The following ARHGAP32 variants were observed in gnomAD, a reference collection of about 807,000 sequenced individuals.
ARHGAP32 encodes Rho GTPase activating protein 32, also known as rho GTPase-activating protein 32.
Under a neutral mutation model 186.5 loss-of-function variants are expected in ARHGAP32, and 51 were observed. The ratio of observed to expected loss-of-function variants is 0.27; its 90% CI spans 0.22 to 0.35. ARHGAP32 has a LOEUF of 0.35. Among genes scored for constraint, ARHGAP32 ranks in the 10% least tolerant of loss-of-function variants. The pLI, the probability that ARHGAP32 is intolerant of heterozygous loss-of-function variation, is 1.00. For synonymous variants in ARHGAP32, 950 were observed against 964.3 expected (o/e 0.99, Z 0.27); for missense variants, 2,186 against 2,623.5 (o/e 0.83, Z 3.64).
chr11:129,148,960 C>A (rs1943229713), intron 2 of ARHGAP32, among the ~76,000 whole-genome samples: 1 of 152,204 alleles, frequency 6.6e-6, no homozygotes, highest in African/African-American at 2.4e-5. Context: ...CAAGGAAAGT[C>A]TAAGCTTGGA....
At position 128,973,265 on chromosome 11, in the gene ARHGAP32, C is replaced by A. The variant is rs1399665046; in HGVS notation, c.3241G>T (p.Ala1081Ser). 6.2e-7 allele frequency: 1 copy of A among 1,613,988 alleles called. No individual in the cohort carries two copies. The highest frequency in any genetic ancestry group is 8.5e-7 in the Non-Finnish European group (1 of 1,180,036). ...ATGTCTCCATAATTTGTATACCCAG[C>A]CTGAGAGGTCCCTGGTCTCTTCAAT... ...QSLKRPGTSQ[A>S]GYTNYGDIAV... The change falls in exon 22 of 23, where the codon GCT becomes TCT. Residue 1081 changes from alanine to serine, a missense_variant. By Grantham distance (99) the Ala-to-Ser change is moderately conservative. This residue lies in a region of ARHGAP32 where 1,502 missense variants were observed against 1,570.0 expected (regional missense o/e 0.96). Transcript: ENST00000682385.
At chr11:129,056,858 G>A (rs1436363893) in intron 10 of ARHGAP32, among the ~76,000 whole-genome samples, 1 of 152,128 alleles carries the variant, frequency 6.6e-6, no homozygotes, top group Non-Finnish European at 1.5e-5. Flanking sequence ...CTCCATCATG[G>A]GAAGCAGTAG....
intron 1 of ARHGAP32, among the ~76,000 whole-genome samples, chr11:129,166,000 A>C (rs1425365027): frequency 1.3e-5 from 2 of 152,166 alleles, no homozygotes; most frequent in African/African-American, 4.8e-5. Context: ...ATTGAATGAA[A>C]GTAAAAAATA....
intron 1 of ARHGAP32, among the ~76,000 whole-genome samples, chr11:129,259,120 T>C (rs182763255): frequency 6.6e-6 from 1 of 152,328 alleles, no homozygotes; most frequent in East Asian, 1.9e-4. Context: ...ACATGCACTA[T>C]GTAATGGCAA....
intron 11 of ARHGAP32, among the ~76,000 whole-genome samples, chr11:129,004,053 ATGT>A (rs143844381): frequency 1.4e-4 from 22 of 151,822 alleles, no homozygotes; most frequent in African/African-American, 5.3e-4. Flanking sequence ...AGGTTTTGGT[ATGT>A]TGTTTCTGTA....
intron 5 of ARHGAP32, among the ~76,000 whole-genome samples, chr11:129,105,322 C>G (rs1942018788): frequency 6.6e-6 from 1 of 152,048 alleles, no homozygotes; most frequent in Non-Finnish European, 1.5e-5. Context: ...TCACAAAAAG[C>G]TAAGAAGTCC....
intron 11 of ARHGAP32, among the ~76,000 whole-genome samples, chr11:129,011,510 G>A (rs774751228): frequency 1.3e-5 from 2 of 152,170 alleles, no homozygotes; most frequent in Non-Finnish European, 2.9e-5. Context: ...TATCTGAGCT[G>A]GAAGCCATGA....
At chr11:129,238,815 T>C (rs550539966) in intron 1 of ARHGAP32, among the ~76,000 whole-genome samples, 2 of 151,352 alleles carry the variant, frequency 1.3e-5, no homozygotes, top group African/African-American at 4.9e-5. Flanking sequence ...CTTCTGATGA[T>C]GCAATAAAGT....
intron 11 of ARHGAP32, among the ~76,000 whole-genome samples, chr11:129,011,154 A>G (rs1938058313): frequency 6.6e-6 from 1 of 152,210 alleles, no homozygotes; most frequent in African/African-American, 2.4e-5. Context: ...CATTTACTTT[A>G]CACTTAGTAT....
At chr11:128,994,028 C>G (rs1300017612) in intron 12 of ARHGAP32, among the ~76,000 whole-genome samples, 1 of 152,162 alleles carries the variant, frequency 6.6e-6, no homozygotes, top group African/African-American at 2.4e-5. Context: ...ATAATAGCCT[C>G]TGTCCTCCCC....
rs114473054 is a variant in ARHGAP32, at chr11:129,100,702, C to T, written c.445-6995G>A. ...TATACTAACACTGCACAGAGAACAG[C>T]GAATCCTCTCCCACCCTGAGTGACC... On this transcript the variant is annotated intron_variant, in intron 5 of 22. Coordinates refer to ENST00000682385, the MANE Select transcript of ARHGAP32 (RefSeq NM_001378024.1). Among the ~76,000 whole-genome samples, 927 of 152,226 alleles carry T rather than the reference C, an allele frequency of 6.1e-3. 8 individuals are homozygous for T. Among genetic ancestry groups the T allele is most frequent in the African/African-American group, 0.021 (872 of 41,540 alleles).
intron 11 of ARHGAP32, among the ~76,000 whole-genome samples, chr11:129,006,990 C>T (rs551732752): frequency 1.4e-4 from 21 of 152,080 alleles, no homozygotes; most frequent in Admixed American, 1.2e-3. Flanking sequence ...GGCAGAGGAG[C>T]CCCATCCCAT....
intron 1 of ARHGAP32, among the ~76,000 whole-genome samples, chr11:129,271,042 T>C (rs1386206505): frequency 6.6e-6 from 1 of 152,174 alleles, no homozygotes; most frequent in Non-Finnish European, 1.5e-5. Flanking sequence ...TGGAGCCTCA[T>C]AAGCGACCAA....
intron 10 of ARHGAP32, among the ~76,000 whole-genome samples, chr11:129,054,537 A>G (rs545965019): frequency 6.6e-6 from 1 of 152,342 alleles, no homozygotes; most frequent in Admixed American, 6.5e-5. Flanking sequence ...GACACTGCAC[A>G]TAACAAACAA....
chr11:129,044,101 A>T (rs1939711618), intron 10 of ARHGAP32, among the ~76,000 whole-genome samples: 1 of 152,194 alleles, frequency 6.6e-6, no homozygotes, highest in Non-Finnish European at 1.5e-5. Flanking sequence ...TGGCTACAAA[A>T]AAGAAGTATC....
intron 7 of ARHGAP32, among the ~76,000 whole-genome samples, chr11:129,066,010 C>T (rs984091761): frequency 6.6e-6 from 1 of 152,136 alleles, no homozygotes; most frequent in Admixed American, 6.6e-5. Context: ...TATTCGTTTA[C>T]AACATCTCTG....
chr11:129,061,199 C>T (rs1248128958), intron 10 of ARHGAP32, among the ~76,000 whole-genome samples: 1 of 152,098 alleles, frequency 6.6e-6, no homozygotes, highest in African/African-American at 2.4e-5. Context: ...TTTAGTAACA[C>T]TTGTATAAGT....
chr11:129,113,656 A>G (rs1942286811), intron 5 of ARHGAP32, among the ~76,000 whole-genome samples: 1 of 152,132 alleles, frequency 6.6e-6, no homozygotes, highest in Non-Finnish European at 1.5e-5. Context: ...TTTATTTTTT[A>G]AAATTCACAT....
intron 11 of ARHGAP32, among the ~76,000 whole-genome samples, chr11:129,005,793 T>C (rs1937735130): frequency 6.6e-6 from 1 of 152,178 alleles, no homozygotes; most frequent in Admixed American, 6.5e-5. Context: ...ATATCTTTCA[T>C]TTTGGGAATT....
Sources: allele counts gnomAD v4.1 joint callset (sites outside exome capture counted in the v4.1 genomes callset), GRCh38; gene constraint gnomAD v4.1.1; regional missense constraint gnomAD v4.1.1; transcripts MANE v1.5; gene names NCBI Gene and HGNC (gene_info 2026-07-23, HGNC 2026-07-21).